The following PTPRD variants were observed in gnomAD, a reference collection of about 807,000 sequenced individuals.
The protein encoded by PTPRD is protein tyrosine phosphatase receptor type D, also known as receptor-type tyrosine-protein phosphatase delta.
Under a neutral mutation model 214.5 loss-of-function variants are expected in PTPRD, and 34 were observed. The ratio of observed to expected loss-of-function variants is 0.16; its 90% confidence interval spans 0.12 to 0.21. The LOEUF (loss-of-function observed/expected upper bound fraction) is 0.21. PTPRD is among the 10% of genes least tolerant of loss of function. PTPRD has a pLI of 1.00. For synonymous variants in PTPRD, 1,128 were observed against 845.7 expected (o/e 1.33, Z -5.79); for missense variants, 2,545 against 2,398.7 (o/e 1.06, Z -1.27).
chr9:8,372,410 A>G (rs938706734), intron 39 of PTPRD, among the ~76,000 whole-genome samples: 1 of 152,136 alleles, frequency 6.6e-6, no homozygotes, highest in East Asian at 1.9e-4. Context: ...TATCTATTTT[A>G]TGTCATCTTA....
chr9:9,381,436 C>G (rs1170728314), intron 9 of PTPRD, among the ~76,000 whole-genome samples: 1 of 148,878 alleles, frequency 6.7e-6, no homozygotes, highest in Admixed American at 6.8e-5. Context: ...TCACAGCTCA[C>G]TGCAGTCTTG....
chr9:9,233,028 T>C (rs1448760562), intron 9 of PTPRD, among the ~76,000 whole-genome samples: 1 of 152,126 alleles, frequency 6.6e-6, no homozygotes, highest in Non-Finnish European at 1.5e-5. Context: ...AAGACCCTTA[T>C]ACCAGAAGGG....
chr9:8,739,524 G>C (rs997493005), intron 11 of PTPRD, among the ~76,000 whole-genome samples: 2 of 152,080 alleles, frequency 1.3e-5, no homozygotes. Context: ...CTACCCTATT[G>C]GACAGCACAG....
At chr9:8,356,751 C>CT (rs1315353170) in intron 39 of PTPRD, among the ~76,000 whole-genome samples, 5 of 152,118 alleles carry the variant, frequency 3.3e-5, no homozygotes, top group Non-Finnish European at 5.9e-5. Context: ...ATTTCCTTTC[C>CT]TTATAGAGTA....
chr9:8,366,263 A>ATT (rs2079852344), intron 39 of PTPRD, among the ~76,000 whole-genome samples: 1 of 152,280 alleles, frequency 6.6e-6, no homozygotes. Flanking sequence ...ATCCTGACTC[A>ATT]TTTTATCTAG....
intron 2 of PTPRD, among the ~76,000 whole-genome samples, chr9:10,612,189 A>G (rs899423330): frequency 7.3e-6 from 1 of 136,952 alleles, no homozygotes; most frequent in African/African-American, 2.7e-5. Flanking sequence ...CCCATATCGA[A>G]GTCTTCTAAG....
At chr9:9,106,017 C>T (rs1174514171) in intron 10 of PTPRD, among the ~76,000 whole-genome samples, 1 of 151,946 alleles carries the variant, frequency 6.6e-6, no homozygotes, top group Non-Finnish European at 1.5e-5. Context: ...TCTAGGACAT[C>T]ATAATTAGAA....
intron 14 of PTPRD, among the ~76,000 whole-genome samples, chr9:8,623,115 C>G (rs542349590): frequency 1.3e-4 from 20 of 151,982 alleles, no homozygotes; most frequent in African/African-American, 4.3e-4. Context: ...CTCACCACTG[C>G]ATTCCAGCCT....
chr9:8,373,812 GTAT>G (rs2082276753), intron 39 of PTPRD, among the ~76,000 whole-genome samples: 1 of 86,930 alleles, frequency 1.2e-5, no homozygotes. Flanking sequence ...AATTATGTAT[GTAT>G]GTATGTATGT....
At chr9:9,097,547 T>A (rs559529522) in intron 10 of PTPRD, among the ~76,000 whole-genome samples, 6 of 152,070 alleles carry the variant, frequency 3.9e-5, no homozygotes, top group Middle Eastern at 3.4e-3. Context: ...CAGCTGGGAC[T>A]ACAGGCACCT....
At chr9:8,355,583 CAGTTA>C (rs2076775872) in intron 39 of PTPRD, among the ~76,000 whole-genome samples, 1 of 152,170 alleles carries the variant, frequency 6.6e-6, no homozygotes. Context: ...AGATGGGAAA[CAGTTA>C]AGAGACTGTG....
chr9:9,725,253 T>C (rs535455079), intron 7 of PTPRD, among the ~76,000 whole-genome samples: 1 of 151,984 alleles, frequency 6.6e-6, no homozygotes, highest in South Asian at 2.1e-4. Context: ...GCTGTTCCCA[T>C]GATAGTGAAT....
chr9:8,413,682 C>T (rs1234120295), intron 35 of PTPRD, among the ~76,000 whole-genome samples: 1 of 152,106 alleles, frequency 6.6e-6, no homozygotes, highest in Non-Finnish European at 1.5e-5. Context: ...ATCATTAATA[C>T]TTATATCCAT....
intron 3 of PTPRD, among the ~76,000 whole-genome samples, chr9:10,296,258 T>TCA (rs888932490): frequency 2.0e-5 from 3 of 152,068 alleles, no homozygotes; most frequent in Admixed American, 6.6e-5. Flanking sequence ...AACCCAATAG[T>TCA]CACATAAGTA....
chr9:10,505,771 C>T (rs1027706136), intron 2 of PTPRD, among the ~76,000 whole-genome samples: 1 of 151,644 alleles, frequency 6.6e-6, no homozygotes, highest in Non-Finnish European at 1.5e-5. Context: ...TATGTCATTG[C>T]TATTGAGGAA....
rs373737890 is a variant in PTPRD, at chr9:9,375,077, G to T, written c.-203+22372C>A. 1.3e-5 allele frequency among the ~76,000 whole-genome samples: 2 copies of T among 152,136 alleles called. 1 individual carries two copies. The highest frequency in any genetic ancestry group is 1.3e-4 in the Admixed American group (2 of 15,272). Reference sequence around the variant, plus strand: ...ATAGGTCTATAACCAAACTCTGTGTGTGTATGTGTATGTGCGTGTGTGTGT... The same window carrying T: ...ATAGGTCTATAACCAAACTCTGTGTTTGTATGTGTATGTGCGTGTGTGTGT... On this transcript the variant is annotated intron_variant, in intron 9 of 45. Coordinates refer to ENST00000381196, the MANE Select transcript of PTPRD (RefSeq NM_002839.4).
At chr9:8,436,385 CA>C (rs2095350851) in intron 35 of PTPRD, among the ~76,000 whole-genome samples, 2 of 152,158 alleles carry the variant, frequency 1.3e-5, no homozygotes, top group South Asian at 4.2e-4. Flanking sequence ...TAATATTGAA[CA>C]AACATAAAAT....
chr9:10,087,502 C>A (rs2098364018), intron 3 of PTPRD, among the ~76,000 whole-genome samples: 1 of 151,696 alleles, frequency 6.6e-6, no homozygotes, highest in Non-Finnish European at 1.5e-5. Context: ...ACTACAACTA[C>A]AGCCTCCTAT....
At chr9:8,658,348 A>G (rs1341253690) in intron 12 of PTPRD, among the ~76,000 whole-genome samples, 4 of 152,204 alleles carry the variant, frequency 2.6e-5, no homozygotes, top group Non-Finnish European at 5.9e-5. Flanking sequence ...AACAAGTGCT[A>G]TATGAGAACC....
Sources: gnomAD v4.1 joint callset for allele counts (sites outside exome capture counted in the v4.1 genomes callset) on GRCh38, gnomAD v4.1.1 for gene constraint, MANE v1.5 for transcripts, NCBI Gene and HGNC (gene_info 2026-07-23, HGNC 2026-07-21) for gene names.